The following MECOM variants were observed in gnomAD, a reference collection of about 807,000 sequenced individuals.
The protein encoded by MECOM is histone-lysine N-methyltransferase MECOM.
A neutral mutation model predicts 116.3 loss-of-function variants in MECOM; 13 were observed. The ratio of observed to expected loss-of-function variants is 0.11; its 90% CI spans 0.07 to 0.18. The LOEUF is 0.18. Among genes scored for constraint, MECOM ranks in the 10% least tolerant of loss-of-function variants. MECOM has a pLI of 1.00. For synonymous variants in MECOM, 528 were observed against 535.2 expected (o/e 0.99, Z 0.19); for missense variants, 1,299 against 1,509.0 (o/e 0.86, Z 2.31).
chr3:169,359,698 A>G (rs1727875433), intron 2 of MECOM, among the ~76,000 whole-genome samples: 1 of 151,808 alleles, frequency 6.6e-6, no homozygotes, highest in Admixed American at 6.6e-5. Flanking sequence ...GATACAAGCA[A>G]AGTGAAAATT....
chr3:169,197,389 A>G (rs1007698610), intron 2 of MECOM, among the ~76,000 whole-genome samples: 3 of 152,020 alleles, frequency 2.0e-5, no homozygotes, highest in Non-Finnish European at 4.4e-5. Context: ...TGTGCGGACT[A>G]TGATAAATGA....
chr3:169,281,543 G>T (rs956242767), intron 2 of MECOM, among the ~76,000 whole-genome samples: 3 of 152,160 alleles, frequency 2.0e-5, no homozygotes, highest in Non-Finnish European at 4.4e-5. Flanking sequence ...GGGCATTGTG[G>T]CTCATGCCTG....
At chr3:169,329,973 T>C (rs1274434598) in intron 2 of MECOM, among the ~76,000 whole-genome samples, 2 of 152,186 alleles carry the variant, frequency 1.3e-5, no homozygotes, top group Non-Finnish European at 2.9e-5. Flanking sequence ...AAAAGAAATA[T>C]CTAAATCTAT....
intron 2 of MECOM, among the ~76,000 whole-genome samples, chr3:169,273,128 G>A (rs73032784): frequency 0.033 from 4,993 of 152,190 alleles, 205 homozygotes; most frequent in African/African-American, 0.094. Flanking sequence ...TGAGTTGGTC[G>A]TATTTCAGCT....
intron 1 of MECOM, among the ~76,000 whole-genome samples, chr3:169,490,751 G>T (rs189533684): frequency 5.5e-4 from 83 of 152,284 alleles, no homozygotes; most frequent in Admixed American, 1.3e-3. Flanking sequence ...GTAACAGAAA[G>T]GAGGGGTGGG....
intron 2 of MECOM, chr3:169,145,143 AACACACAC>A (rs67598122): frequency 0.015 from 7,877 of 511,592 alleles, 30 homozygotes; most frequent in East Asian, 0.023. Flanking sequence ...GATATTATTA[AACACACAC>A]ACACACACAC....
In MECOM at chr3:169,608,982, G is replaced by A. The variant is rs78451419; in HGVS notation, c.37+54354C>T. ...CGTGATGGGATTCTCATCCCATTACGCCATCTCACCCGCACCAAACAGTTG... is the reference window on the plus strand; with the variant it reads ...CGTGATGGGATTCTCATCCCATTACACCATCTCACCCGCACCAAACAGTTG... On this transcript the variant is annotated intron_variant, in intron 1 of 16. Coordinates refer to ENST00000651503, the MANE Select transcript of MECOM (RefSeq NM_004991.4). Among the ~76,000 whole-genome samples, 2,450 of 152,054 alleles carry A rather than the reference G, an allele frequency of 0.016. 221 individuals are homozygous for A. In the East Asian group the frequency reaches 0.28, roughly 17 times the overall value.
chr3:169,439,325 A>C (rs1222701339), intron 1 of MECOM, among the ~76,000 whole-genome samples: 1 of 147,734 alleles, frequency 6.8e-6, no homozygotes, highest in Non-Finnish European at 1.5e-5. Context: ...AGTATCCAGA[A>C]TATTAATATT....
rs1208249727 is a variant in MECOM, at chr3:169,378,487, G to GAGAAAGAA, written c.375+2692_375+2699dup. On this transcript the variant is annotated intron_variant, in intron 2 of 16. Coordinates refer to ENST00000651503, the MANE Select transcript of MECOM (RefSeq NM_004991.4). ...CAAGCAAGCAAGCAAGAAAGAGAGA[G>GAGAAAGAA]AGAAAGAAAGAAAGAAAGAAAGAAA... 1.0e-4 allele frequency among the ~76,000 whole-genome samples: 3 copies of GAGAAAGAA among 29,978 alleles called. 1 individual carries two copies. Among genetic ancestry groups the GAGAAAGAA allele is most frequent in the Non-Finnish European group, 1.0e-4 (2 of 19,554 alleles). 19.7% of individuals were successfully genotyped at this position (29,978 alleles called of 152,430 possible). A position where few individuals can be genotyped will look rare whatever the true frequency, so the allele number is the denominator to read the frequency against.
chr3:169,354,828 G>C lies in MECOM; in HGVS notation c.375+26359C>G, dbSNP rs180895906. Among the ~76,000 whole-genome samples the C allele has an allele frequency of 1.1e-4, 16 of 151,828 alleles. No homozygotes were observed. The South Asian group carries it at 1.2e-3, about 12-fold the overall frequency. ...TGGGGCTTCAGCTTTAGGTCATTCT[G>C]CAAACAAGCCCCAGGAGACACACAA... On this transcript the variant is annotated intron_variant, in intron 2 of 16. Transcript: ENST00000651503.
intron 1 of MECOM, among the ~76,000 whole-genome samples, chr3:169,442,524 G>A (rs1327360152): frequency 6.6e-6 from 1 of 152,182 alleles, no homozygotes; most frequent in African/African-American, 2.4e-5. Context: ...TCCCAATTAG[G>A]TGGGTATACT....
intron 2 of MECOM, among the ~76,000 whole-genome samples, chr3:169,371,464 G>A (rs142371414): frequency 5.0e-4 from 76 of 151,532 alleles, no homozygotes; most frequent in African/African-American, 1.7e-3. Context: ...TAATAATAAT[G>A]TATTGTATAC....
At chr3:169,455,552 C>T (rs1184423779) in intron 1 of MECOM, among the ~76,000 whole-genome samples, 1 of 152,044 alleles carries the variant, frequency 6.6e-6, no homozygotes, top group African/African-American at 2.4e-5. Context: ...TCCTATAAAC[C>T]CCATTATTTC....
intron 2 of MECOM, among the ~76,000 whole-genome samples, chr3:169,158,041 G>A (rs1742266484): frequency 6.6e-6 from 1 of 151,424 alleles, no homozygotes; most frequent in African/African-American, 2.4e-5. Context: ...ATTACATTGT[G>A]CCTTATACAA....
intron 1 of MECOM, among the ~76,000 whole-genome samples, chr3:169,647,175 G>A (rs558969278): frequency 3.7e-4 from 56 of 152,100 alleles, no homozygotes; most frequent in Admixed American, 5.2e-4. Flanking sequence ...TAAGTTCTTC[G>A]ACTTTATTGT....
At chr3:169,500,272 A>G (rs550206126) in intron 1 of MECOM, among the ~76,000 whole-genome samples, 3 of 152,194 alleles carry the variant, frequency 2.0e-5, no homozygotes, top group African/African-American at 4.8e-5. Context: ...CAGGCCTTCC[A>G]TGAGAGCAGT....
intron 1 of MECOM, among the ~76,000 whole-genome samples, chr3:169,509,481 T>A (rs771699217): frequency 6.6e-6 from 1 of 152,190 alleles, no homozygotes; most frequent in South Asian, 2.1e-4. Flanking sequence ...TGAAACTCTG[T>A]ACCCAATAAC....
intron 2 of MECOM, among the ~76,000 whole-genome samples, chr3:169,226,530 G>A (rs2149511091): frequency 6.6e-6 from 1 of 152,206 alleles, no homozygotes; most frequent in Admixed American, 6.5e-5. Context: ...TATTTACTAT[G>A]GGCGAAGGAA....
chr3:169,246,450 A>G (rs16853374), intron 2 of MECOM, among the ~76,000 whole-genome samples: 6,295 of 152,304 alleles, frequency 0.041, 164 homozygotes, highest in African/African-American at 0.066. Flanking sequence ...CAGGCTTTGA[A>G]ATAAGTTAAA....
Sources: gnomAD v4.1 joint callset for allele counts (sites outside exome capture counted in the v4.1 genomes callset) on GRCh38, gnomAD v4.1.1 for gene constraint, MANE v1.5 for transcripts, NCBI Gene and HGNC (gene_info 2026-07-23, HGNC 2026-07-21) for gene names.